Variants in GABBR2 observed in about 807,000 individuals in gnomAD.
GABBR2 encodes gamma-aminobutyric acid type B receptor subunit 2.
Under a neutral mutation model 105.6 loss-of-function variants are expected in GABBR2, and 23 were observed. That is an observed-to-expected ratio of 0.22 (90% CI 0.16 to 0.31). The LOEUF is 0.31. Ranked by LOEUF, GABBR2 falls within the 10% of genes least tolerant of loss-of-function variation. The pLI is 1.00. For synonymous variants in GABBR2, 478 were observed against 499.7 expected, an observed-to-expected ratio of 0.96 and a Z score of 0.58; for missense variants, 734 against 1,245.5, an observed-to-expected ratio of 0.59 and a Z score of 6.18.
intron 17 of GABBR2, among the ~76,000 whole-genome samples, chr9:98,295,651 A>G (rs1221466608): frequency 1.3e-5 from 2 of 151,990 alleles, no homozygotes; most frequent in African/African-American, 2.4e-5. Flanking sequence ...TCAGCCTCCC[A>G]AGTAGCTGGG....
intron 11 of GABBR2, among the ~76,000 whole-genome samples, chr9:98,380,348 G>C (rs1319182467): frequency 6.6e-6 from 1 of 152,234 alleles, no homozygotes; most frequent in Non-Finnish European, 1.5e-5. Flanking sequence ...TCCTCATCCT[G>C]TCTGCAAAGC....
At chr9:98,360,221 C>T (rs1318150075) in intron 13 of GABBR2, among the ~76,000 whole-genome samples, 3 of 152,138 alleles carry the variant, frequency 2.0e-5, no homozygotes, top group African/African-American at 7.2e-5. Flanking sequence ...CTTTAGGATA[C>T]CTCAGGCCCT....
chr9:98,490,152 T>A (rs1009836921), intron 4 of GABBR2, among the ~76,000 whole-genome samples: 6 of 152,094 alleles, frequency 3.9e-5, no homozygotes, highest in Admixed American at 2.0e-4. Flanking sequence ...AAGTGGATAA[T>A]GGGATGGTTG....
chr9:98,683,142 A>G (rs1207225909), intron 1 of GABBR2, among the ~76,000 whole-genome samples: 1 of 151,702 alleles, frequency 6.6e-6, no homozygotes, highest in African/African-American at 2.4e-5. Context: ...CGCCTAGGCT[A>G]GAGTGCAATG....
intron 13 of GABBR2, among the ~76,000 whole-genome samples, chr9:98,350,305 T>A (rs1165926418): frequency 6.6e-6 from 1 of 152,064 alleles, no homozygotes; most frequent in Non-Finnish European, 1.5e-5. Flanking sequence ...TTGTTCTTGA[T>A]TTTCTGGTCC....
At chr9:98,324,974 A>C (rs991169454) in intron 13 of GABBR2, among the ~76,000 whole-genome samples, 1 of 152,144 alleles carries the variant, frequency 6.6e-6, no homozygotes, top group Non-Finnish European at 1.5e-5. Context: ...AAGTCTTCTG[A>C]GGTTACATTA....
At chr9:98,579,005 G>A (rs1292778370) in intron 1 of GABBR2, among the ~76,000 whole-genome samples, 2 of 152,156 alleles carry the variant, frequency 1.3e-5, no homozygotes, top group Non-Finnish European at 2.9e-5. Flanking sequence ...AGTTTCAGTG[G>A]GGATGATGGA....
chr9:98,382,725 G>C (rs1200066546), intron 11 of GABBR2, among the ~76,000 whole-genome samples: 1 of 152,104 alleles, frequency 6.6e-6, no homozygotes, highest in African/African-American at 2.4e-5. Context: ...ACTTCATCAG[G>C]GTCCCTCAGG....
At chr9:98,538,581 AGCT>A in intron 3 of GABBR2, 1 of 983,420 alleles carries the variant, frequency 1.0e-6, no homozygotes, top group Non-Finnish European at 1.2e-6. Flanking sequence ...TCACAGGAGC[AGCT>A]GGTCCCCAGG....
chr9:98,413,428 T>G (rs1408950973), intron 7 of GABBR2, among the ~76,000 whole-genome samples: 1 of 151,858 alleles, frequency 6.6e-6, no homozygotes, highest in Non-Finnish European at 1.5e-5. Context: ...CACCCACATG[T>G]TCTGTAAAGT....
At chr9:98,381,091 G>A (rs1452831393) in intron 11 of GABBR2, among the ~76,000 whole-genome samples, 1 of 152,216 alleles carries the variant, frequency 6.6e-6, no homozygotes, top group African/African-American at 2.4e-5. Flanking sequence ...GAGGATGCAA[G>A]GTGACAAGCT....
At chr9:98,446,712 A>G (rs1348908585) in intron 7 of GABBR2, among the ~76,000 whole-genome samples, 1 of 152,190 alleles carries the variant, frequency 6.6e-6, no homozygotes, top group South Asian at 2.1e-4. Context: ...CCCGGGCAGC[A>G]GACAAGAAAG....
intron 13 of GABBR2, among the ~76,000 whole-genome samples, chr9:98,324,301 C>T (rs1228464202): frequency 6.6e-6 from 1 of 152,180 alleles, no homozygotes; most frequent in Non-Finnish European, 1.5e-5. Context: ...CTAAAGGCAG[C>T]CTGGGCACAC....
intron 6 of GABBR2, among the ~76,000 whole-genome samples, chr9:98,457,947 G>A (rs188232426): frequency 5.3e-5 from 8 of 152,314 alleles, no homozygotes; most frequent in South Asian, 4.2e-4. Flanking sequence ...CAAGTTTATC[G>A]TGAGATGCTA....
At chr9:98,367,311 A>T (rs868410048) in intron 12 of GABBR2, among the ~76,000 whole-genome samples, 4 of 151,168 alleles carry the variant, frequency 2.6e-5, no homozygotes, top group South Asian at 2.1e-4. Flanking sequence ...AAAAAAAAAA[A>T]AAAATAAGGG....
intron 13 of GABBR2, among the ~76,000 whole-genome samples, chr9:98,360,965 A>G (rs1831571932): frequency 6.6e-6 from 1 of 152,154 alleles, no homozygotes; most frequent in African/African-American, 2.4e-5. Context: ...CACCTGGTCC[A>G]GCTCCAGGCC....
At chr9:98,488,130 G>A (rs1827098311) in intron 4 of GABBR2, among the ~76,000 whole-genome samples, 1 of 152,158 alleles carries the variant, frequency 6.6e-6, no homozygotes, top group South Asian at 2.1e-4. Flanking sequence ...GAAGGAACTT[G>A]GCCGCACTGA....
At chr9:98,467,228 G>A (rs545395481) in intron 6 of GABBR2, among the ~76,000 whole-genome samples, 5 of 152,328 alleles carry the variant, frequency 3.3e-5, no homozygotes, top group Admixed American at 6.5e-5. Context: ...TTGTGTTACA[G>A]AGCTTAGAAG....
intron 1 of GABBR2, among the ~76,000 whole-genome samples, chr9:98,618,486 A>ATCTCTCTCTCTCTCTCTC (rs10611275): frequency 2.1e-5 from 3 of 145,070 alleles, no homozygotes; most frequent in African/African-American, 5.2e-5. Flanking sequence ...GGTCTGCTGC[A>ATCTCTCTCTCTCTCTCTC]TCTCTCTCTC....
Sources: allele counts gnomAD v4.1 joint callset (sites outside exome capture counted in the v4.1 genomes callset), GRCh38; gene constraint gnomAD v4.1.1; transcripts MANE v1.5; gene names NCBI Gene and HGNC (gene_info 2026-07-23, HGNC 2026-07-21).